Variants in SYNPR observed in about 807,000 individuals in gnomAD.
The protein encoded by SYNPR is synaptoporin.
SYNPR carries 23 observed loss-of-function variants against 32.9 expected under a neutral mutation model. The observed-to-expected ratio is 0.70, with a 90% CI of 0.50 to 0.99. SYNPR has a LOEUF of 0.99. Ranked by LOEUF, SYNPR falls within the 50% of genes least tolerant of loss-of-function variation. The probability of loss-of-function intolerance (pLI) is 0.00; values close to 1 mark genes in which losing one functional copy is unlikely to be tolerated. For synonymous variants in SYNPR, 146 were observed against 135.9 expected (o/e 1.07, Z -0.52); for missense variants, 318 against 349.3 (o/e 0.91, Z 0.71).
At chr3:63,278,574 G>T in intron 1 of SYNPR, 23 bp downstream of exon 1, 1 of 1,550,962 alleles carries the variant, frequency 6.4e-7, no homozygotes, top group Admixed American at 2.0e-5. Context: ...TGGGCAGGGC[G>T]GCTGGCTGGG....
intron 3 of SYNPR, among the ~76,000 whole-genome samples, chr3:63,481,437 A>G (rs756539862): frequency 7.5e-5 from 11 of 146,226 alleles, no homozygotes; most frequent in Non-Finnish European, 1.5e-4. Context: ...TATTAAGTGT[A>G]TATATATATA....
At chr3:63,390,959 G>C (rs1340934493) in intron 2 of SYNPR, among the ~76,000 whole-genome samples, 2 of 152,322 alleles carry the variant, frequency 1.3e-5, no homozygotes, top group East Asian at 3.9e-4. Context: ...TATGATCCCA[G>C]CTGGATACCC....
At chr3:63,307,640 A>G (rs2106948915) in intron 2 of SYNPR, among the ~76,000 whole-genome samples, 1 of 152,050 alleles carries the variant, frequency 6.6e-6, no homozygotes, top group African/African-American at 2.4e-5. Flanking sequence ...TCTGTCAAAT[A>G]ATCTATTTTT....
chr3:63,346,830 G>A (rs537935456), intron 2 of SYNPR, among the ~76,000 whole-genome samples: 3 of 152,228 alleles, frequency 2.0e-5, no homozygotes, highest in Admixed American at 1.3e-4. Context: ...CATTTAAGTA[G>A]GATTAATTGA....
At chr3:63,480,686 C>A in intron 2 of SYNPR, 146 bp from the exon 3 acceptor site, 1 of 1,061,866 alleles carries the variant, frequency 9.4e-7, no homozygotes, top group Non-Finnish European at 1.3e-6. Context: ...ATTCTACCTT[C>A]ATCTTCCAGC....
At chr3:63,509,131 C>T (rs1701643769) in intron 3 of SYNPR, among the ~76,000 whole-genome samples, 1 of 151,598 alleles carries the variant, frequency 6.6e-6, no homozygotes, top group Non-Finnish European at 1.5e-5. Flanking sequence ...CACACACACA[C>T]ACATATATGT....
At chr3:63,535,172 A>G (rs1029481382) in intron 3 of SYNPR, among the ~76,000 whole-genome samples, 1 of 152,130 alleles carries the variant, frequency 6.6e-6, no homozygotes, top group East Asian at 1.9e-4. Context: ...CATACATACA[A>G]TTACAGATGT....
intron 2 of SYNPR, among the ~76,000 whole-genome samples, chr3:63,266,641 A>G (rs1367308261): frequency 4.1e-5 from 6 of 146,280 alleles, no homozygotes; most frequent in Non-Finnish European, 6.0e-5. Context: ...TGGGAGGTGG[A>G]GGTTGCAGTG....
At chr3:63,306,062 G>C (rs555552673) in intron 2 of SYNPR, among the ~76,000 whole-genome samples, 2 of 152,014 alleles carry the variant, frequency 1.3e-5, no homozygotes, top group East Asian at 1.9e-4. Flanking sequence ...CAAATTTTCA[G>C]CTTCTCCTCC....
At chr3:63,224,263 T>C (rs2086113233), upstream of SYNPR, among the ~76,000 whole-genome samples, 1 of 152,154 alleles carries the variant, frequency 6.6e-6, no homozygotes, top group Admixed American at 6.5e-5. Flanking sequence ...TTGTGAGCTA[T>C]GCATGTGAGA....
chr3:63,521,139 C>G (rs1222356795), intron 3 of SYNPR, among the ~76,000 whole-genome samples: 1 of 152,186 alleles, frequency 6.6e-6, no homozygotes, highest in African/African-American at 2.4e-5. Flanking sequence ...TTCTAGGGCA[C>G]TAGACCCCTT....
intron 4 of SYNPR, among the ~76,000 whole-genome samples, chr3:63,580,338 A>C (rs1703068594): frequency 6.6e-6 from 1 of 152,228 alleles, no homozygotes; most frequent in Non-Finnish European, 1.5e-5. Context: ...AATGTGACTC[A>C]GAAAAATACT....
chr3:63,209,638 T>G, the SYNPR span, among the ~76,000 whole-genome samples: 1 of 152,210 alleles, frequency 6.6e-6, no homozygotes, highest in South Asian at 2.1e-4. Context: ...AGTCTTTAAA[T>G]AAGCTGCTTA....
intron 2 of SYNPR, among the ~76,000 whole-genome samples, chr3:63,294,818 T>C (rs2086777559): frequency 6.6e-6 from 1 of 152,194 alleles, no homozygotes; most frequent in South Asian, 2.1e-4. Flanking sequence ...TATTTTACTT[T>C]AAATAATACT....
At chr3:63,531,072 C>G (rs553762322) in intron 3 of SYNPR, among the ~76,000 whole-genome samples, 1 of 152,038 alleles carries the variant, frequency 6.6e-6, no homozygotes, top group African/African-American at 2.4e-5. Context: ...GCTGAAAGCC[C>G]TACAGAGCCC....
chr3:63,307,824 T>A (rs555212834), intron 2 of SYNPR, among the ~76,000 whole-genome samples: 1 of 152,026 alleles, frequency 6.6e-6, no homozygotes, highest in Non-Finnish European at 1.5e-5. Flanking sequence ...GAAGCCTATT[T>A]AGAAAGCTGC....
chr3:63,474,283 G>C (rs777104392), intron 2 of SYNPR, among the ~76,000 whole-genome samples: 3 of 152,164 alleles, frequency 2.0e-5, no homozygotes, highest in Non-Finnish European at 4.4e-5. Context: ...CCAAGCACAC[G>C]TATGCTAGCT....
chr3:63,265,241 CTT>C (rs71126590), intron 2 of SYNPR, among the ~76,000 whole-genome samples: 241 of 102,130 alleles, frequency 2.4e-3, no homozygotes, highest in African/African-American at 8.8e-3. Context: ...TAATGACATT[CTT>C]TTTTTTTTTT....
chr3:63,380,321 C>G (rs1042938817), intron 2 of SYNPR, among the ~76,000 whole-genome samples: 1 of 152,124 alleles, frequency 6.6e-6, no homozygotes, highest in African/African-American at 2.4e-5. Context: ...AAAAGTGTTC[C>G]TATTTCTCCA....
Sources: allele counts gnomAD v4.1 joint callset (sites outside exome capture counted in the v4.1 genomes callset), GRCh38; gene constraint gnomAD v4.1.1; transcripts MANE v1.5; gene names NCBI Gene and HGNC (gene_info 2026-07-23, HGNC 2026-07-21).